The following CDH13 variants were observed in gnomAD, a reference collection of about 807,000 sequenced individuals.
CDH13 encodes cadherin-13.
CDH13 carries 24 observed loss-of-function variants against 63.8 expected under a neutral mutation model. The ratio of observed to expected loss-of-function variants is 0.38; its 90% CI spans 0.27 to 0.53. The LOEUF is 0.53. CDH13 is among the 20% of genes least tolerant of loss of function. The pLI, the probability that CDH13 is intolerant of heterozygous loss-of-function variation, is 0.85. For synonymous variants in CDH13, 503 were observed against 355.3 expected (o/e 1.42, Z -4.67); for missense variants, 1,049 against 903.1 (o/e 1.16, Z -2.07).
chr16:82,667,899 A>G (rs979489273), intron 1 of CDH13, among the ~76,000 whole-genome samples: 2 of 152,160 alleles, frequency 1.3e-5, no homozygotes, highest in Non-Finnish European at 2.9e-5. Context: ...TCAAAATGAG[A>G]TAAGTTAAAG....
chr16:82,976,849 C>T (rs542035491), intron 2 of CDH13, among the ~76,000 whole-genome samples: 1 of 152,154 alleles, frequency 6.6e-6, no homozygotes, highest in African/African-American at 2.4e-5. Context: ...ATTTCTGTTG[C>T]TCAGGCCGGG....
intron 2 of CDH13, among the ~76,000 whole-genome samples, chr16:82,994,430 G>A (rs1261142190): frequency 6.6e-6 from 1 of 152,156 alleles, no homozygotes; most frequent in Non-Finnish European, 1.5e-5. Flanking sequence ...GGATTTCCCT[G>A]CTCTGCTCTT....
intron 1 of CDH13, among the ~76,000 whole-genome samples, chr16:82,782,897 G>C (rs1233034612): frequency 6.6e-6 from 1 of 152,114 alleles, no homozygotes; most frequent in Non-Finnish European, 1.5e-5. Flanking sequence ...GAGGCTTCCA[G>C]GTCTCTATTG....
At chr16:83,602,769 T>G (rs1907972487) in intron 8 of CDH13, among the ~76,000 whole-genome samples, 175 bp downstream of exon 8, 1 of 149,414 alleles carries the variant, frequency 6.7e-6, no homozygotes, top group Non-Finnish European at 1.5e-5. Context: ...ATTTTGTGTT[T>G]GTGTGTGAGG....
intron 7 of CDH13, among the ~76,000 whole-genome samples, chr16:83,542,142 A>G (rs913155678): frequency 2.0e-5 from 3 of 152,212 alleles, no homozygotes; most frequent in African/African-American, 4.8e-5. Flanking sequence ...CATTTTAACA[A>G]GACTCTCAGG....
In CDH13 at chr16:83,500,299, TCTCC is replaced by T. The variant is rs1567715266; in HGVS notation, c.960+13645_960+13648del. 0.034 allele frequency among the ~76,000 whole-genome samples: 42 copies of T among 1,250 alleles called. 5 individuals are homozygous for T. In the East Asian group the frequency reaches 0.5, roughly 15 times the overall value. The allele number at this position is 1,250 out of a possible 152,430, so 0.8% of individuals were successfully genotyped here. On this transcript the variant is annotated intron_variant, in intron 7 of 13. Coordinates refer to ENST00000567109, the MANE Select transcript of CDH13 (RefSeq NM_001257.5). ...TTCTTCTTCTTCTTCTTCTTCTCCT[TCTCC>T]TTCTCCTTCTCCTTCTCCTCCTCCT...
chr16:82,855,530 G>T (rs2151160911), intron 1 of CDH13, among the ~76,000 whole-genome samples: 1 of 152,296 alleles, frequency 6.6e-6, no homozygotes, highest in East Asian at 1.9e-4. Context: ...ATGTTGGCCA[G>T]TTATAGATTT....
intron 6 of CDH13, among the ~76,000 whole-genome samples, chr16:83,417,405 C>G (rs980480940): frequency 1.1e-4 from 17 of 152,172 alleles, no homozygotes; most frequent in African/African-American, 4.1e-4. Flanking sequence ...CTACCCCATT[C>G]TCTTCTTGCT....
At chr16:82,714,882 C>T (rs1861170364) in intron 1 of CDH13, among the ~76,000 whole-genome samples, 1 of 136,364 alleles carries the variant, frequency 7.3e-6, no homozygotes, top group Non-Finnish European at 1.6e-5. Flanking sequence ...CTAGAGCCTT[C>T]AGAAAGGACA....
At chr16:83,384,297 G>C (rs2091629268) in intron 6 of CDH13, among the ~76,000 whole-genome samples, 1 of 152,112 alleles carries the variant, frequency 6.6e-6, no homozygotes, top group South Asian at 2.1e-4. Flanking sequence ...CATCTCTGCT[G>C]ACTGCCACCT....
chr16:83,354,740 A>G (rs1262517714), intron 6 of CDH13, among the ~76,000 whole-genome samples: 1 of 152,206 alleles, frequency 6.6e-6, no homozygotes, highest in Non-Finnish European at 1.5e-5. Flanking sequence ...GAGGGACGGT[A>G]GTACCAGGTG....
At chr16:82,709,297 C>A (rs974200164) in intron 1 of CDH13, among the ~76,000 whole-genome samples, 1 of 152,166 alleles carries the variant, frequency 6.6e-6, no homozygotes, top group African/African-American at 2.4e-5. Context: ...AAATTCTGAA[C>A]TTGCAATTTT....
chr16:82,932,973 T>C (rs1388648606), intron 2 of CDH13, among the ~76,000 whole-genome samples: 1 of 152,204 alleles, frequency 6.6e-6, no homozygotes, highest in East Asian at 1.9e-4. Context: ...GTTAGCATTT[T>C]AATTTAATTT....
chr16:83,316,429 C>T (rs1025487901), intron 5 of CDH13, among the ~76,000 whole-genome samples: 5 of 152,180 alleles, frequency 3.3e-5, no homozygotes, highest in Admixed American at 1.3e-4. Context: ...CTGGGAGAAA[C>T]GGGGAGCGAT....
intron 6 of CDH13, among the ~76,000 whole-genome samples, chr16:83,401,320 C>G (rs972868704): frequency 2.0e-5 from 3 of 147,422 alleles, no homozygotes; most frequent in African/African-American, 7.5e-5. Context: ...GCCTGAGTGA[C>G]AGAGTGAGAC....
In CDH13 at chr16:83,366,137, A is replaced by G. The variant is rs560526952; in HGVS notation, c.781+21131A>G. The stretch of plus-strand genomic sequence containing the variant: ...TTTAAGAGTAAAGCTGCTTTTCACA[A>G]CAAAATAACAGGGATTTTTTTAAAA... On this transcript the variant is annotated intron_variant, in intron 6 of 13. Transcript: ENST00000567109. Among the ~76,000 whole-genome samples the G allele has an allele frequency of 1.3e-4, 20 of 152,358 alleles. No homozygotes were observed. The East Asian group carries it at 2.3e-3, about 18-fold the overall frequency.
intron 2 of CDH13, among the ~76,000 whole-genome samples, chr16:82,947,451 T>C (rs556065979): frequency 6.6e-6 from 1 of 152,294 alleles, no homozygotes; most frequent in South Asian, 2.1e-4. Context: ...TCAGATATTA[T>C]CCATACTTCT....
intron 1 of CDH13, among the ~76,000 whole-genome samples, chr16:82,732,547 G>T (rs971414483): frequency 6.6e-6 from 1 of 152,162 alleles, no homozygotes; most frequent in African/African-American, 2.4e-5. Context: ...ACAGGAAGAT[G>T]AATGGAATGG....
intron 6 of CDH13, among the ~76,000 whole-genome samples, chr16:83,402,400 G>A (rs537737591): frequency 6.2e-4 from 94 of 152,328 alleles, no homozygotes; most frequent in African/African-American, 2.0e-3. Flanking sequence ...TATCCCACAA[G>A]AACGTGACTA....
Sources: gnomAD v4.1 joint callset for allele counts (sites outside exome capture counted in the v4.1 genomes callset) on GRCh38, gnomAD v4.1.1 for gene constraint, MANE v1.5 for transcripts, NCBI Gene and HGNC (gene_info 2026-07-23, HGNC 2026-07-21) for gene names.